The following CRISP2 variants were observed in gnomAD, a reference collection of about 807,000 sequenced individuals.
CRISP2 encodes cysteine-rich secretory protein 2.
In CRISP2, 29 loss-of-function variants were observed where a neutral mutation model predicts 31.7. The ratio of observed to expected loss-of-function variants is 0.92; its 90% CI spans 0.68 to 1.25. CRISP2 has a LOEUF of 1.25. Ranked by LOEUF, CRISP2 falls within the 50% of genes most tolerant of loss-of-function variation. The probability of loss-of-function intolerance (pLI) is 0.00; values close to 1 mark genes in which losing one functional copy is unlikely to be tolerated. For missense variants in CRISP2, 318 were observed against 286.5 expected, an observed-to-expected ratio of 1.11 and a Z score of -0.79; for synonymous variants, 111 against 101.4, an observed-to-expected ratio of 1.09 and a Z score of -0.57.
the CRISP2 span, among the ~76,000 whole-genome samples, chr6:49,686,789 T>A: frequency 6.6e-6 from 1 of 152,184 alleles, no homozygotes; most frequent in Non-Finnish European, 1.5e-5. Context: ...AATAGCAAAG[T>A]CTTGGAACCA....
chr6:49,705,181 C>A (rs78846945), intron 4 of CRISP2, among the ~76,000 whole-genome samples: 4,146 of 152,126 alleles, frequency 0.027, 198 homozygotes, highest in African/African-American at 0.095. Flanking sequence ...TGGGGGCTTA[C>A]TGCAGCCACT....
downstream of CRISP2, among the ~76,000 whole-genome samples, chr6:49,689,608 TAAC>T (rs1474360010): frequency 6.6e-6 from 1 of 152,086 alleles, no homozygotes; most frequent in African/African-American, 2.4e-5. Flanking sequence ...TTAAAAATAA[TAAC>T]AATAACGCTT....
chr6:49,679,894 C>G, the CRISP2 span, among the ~76,000 whole-genome samples: 1 of 151,982 alleles, frequency 6.6e-6, no homozygotes, highest in South Asian at 2.1e-4. Flanking sequence ...TTAGTAGAGA[C>G]AGGTTTTCAC....
At chr6:49,701,818 T>C (rs1429036634) in intron 4 of CRISP2, among the ~76,000 whole-genome samples, 7 of 100,540 alleles carry the variant, frequency 7.0e-5, no homozygotes, top group Non-Finnish European at 1.1e-4. Flanking sequence ...TGTATACATA[T>C]ATAATGTATA....
intron 3 of CRISP2, 64 bp from the exon 4 acceptor site, chr6:49,709,269 A>G: frequency 2.2e-6 from 3 of 1,339,838 alleles, no homozygotes; most frequent in Non-Finnish European, 3.2e-6. Context: ...TAAGAGGGGG[A>G]ATACCAATAT....
chr6:49,678,485 A>G, the CRISP2 span, among the ~76,000 whole-genome samples: 1 of 152,084 alleles, frequency 6.6e-6, no homozygotes, highest in East Asian at 1.9e-4. Context: ...AATCTGTACA[A>G]TGGAGACAAA....
chr6:49,684,636 T>C, the CRISP2 span, among the ~76,000 whole-genome samples: 1 of 152,192 alleles, frequency 6.6e-6, no homozygotes, highest in Non-Finnish European at 1.5e-5. Flanking sequence ...ATACTTAACT[T>C]AAAAAAGAAA....
In CRISP2 at chr6:49,699,703, A is replaced by T. The variant is rs1419721764; in HGVS notation, c.271+101T>A. 8.8e-6 allele frequency: 7 copies of T among 799,958 alleles called. No homozygotes were observed. The Admixed American group carries it at 9.5e-5, about 11-fold the overall frequency. The allele number at this position is 799,958 out of a possible 1,614,324, so 49.6% of individuals were successfully genotyped here. On this transcript the variant is annotated intron_variant, in intron 6 of 9. Transcript: ENST00000339139. ...ACTTCAAAAAGACAGCAGTATAAGT[A>T]ACATTTATTTTCAAAGTCTTCTTAT... is the stretch of plus-strand genomic sequence containing the variant.
At chr6:49,701,880 A>G (rs1205700942) in intron 4 of CRISP2, among the ~76,000 whole-genome samples, 18 of 100,340 alleles carry the variant, frequency 1.8e-4, no homozygotes, top group African/African-American at 7.2e-4. Flanking sequence ...ATTATGTATT[A>G]TATATTATAT....
chr6:49,683,842 A>G, the CRISP2 span, among the ~76,000 whole-genome samples: 2 of 150,518 alleles, frequency 1.3e-5, no homozygotes, highest in African/African-American at 4.9e-5. Context: ...TCATGAATAC[A>G]GAACAAGTAA....
At position 49,698,508 on chromosome 6, in the gene CRISP2, C is replaced by G; in HGVS notation, c.272-1G>C. The G allele has an allele frequency of 6.2e-7, 1 of 1,602,782 alleles. No homozygotes were observed. The highest frequency in any genetic ancestry group is 1.3e-5 in the African/African-American group (1 of 74,236). On this transcript the variant is annotated splice_acceptor_variant, in intron 6 of 9. Coordinates refer to ENST00000339139, the MANE Select transcript of CRISP2 (RefSeq NM_003296.4). LOFTEE classifies it high-confidence loss of function. ...TAGAGATTCTCACCACATCTTGTACCTAAGGGGCAGATCATTCATGAGCAA... is the reference window on the plus strand; with the variant it reads ...TAGAGATTCTCACCACATCTTGTACGTAAGGGGCAGATCATTCATGAGCAA...
chr6:49,682,679 T>C, the CRISP2 span, among the ~76,000 whole-genome samples: 1 of 149,746 alleles, frequency 6.7e-6, no homozygotes, highest in East Asian at 2.0e-4. Context: ...TCTCTCTCTT[T>C]CTGTCTCTTT....
chr6:49,704,540 C>T lies in CRISP2; in HGVS notation c.67-3756G>A, dbSNP rs116423345. On this transcript the variant is annotated intron_variant, in intron 4 of 9. Coordinates refer to ENST00000339139, the MANE Select transcript of CRISP2 (RefSeq NM_003296.4). ...CTGTTCAGGTTCTTTTGCCTTGAAC[C>T]CTTGATGTGGTACTCTCCCCCTTCT... Among the ~76,000 whole-genome samples the T allele has an allele frequency of 6.0e-3, 914 of 152,146 alleles. 12 individuals carry two copies. The highest frequency in any genetic ancestry group is 0.021 in the African/African-American group (870 of 41,506).
Position 49,698,351 on chromosome 6 carries a change from A to T in CRISP2, c.417+11T>A. ...ATCTGTGACATAGGTATTTTCATGC[A>T]TTCTTCTTACCTGAGTATAATGTCC... On this transcript the variant is annotated intron_variant, in intron 7 of 9. Coordinates refer to ENST00000339139, the MANE Select transcript of CRISP2 (RefSeq NM_003296.4). 6.2e-7 allele frequency: 1 copy of T among 1,612,026 alleles called. No individual in the cohort carries two copies. The highest frequency in any genetic ancestry group is 8.5e-7 in the Non-Finnish European group (1 of 1,179,124).
At chr6:49,684,971 A>T in the CRISP2 span, among the ~76,000 whole-genome samples, 2 of 151,826 alleles carry the variant, frequency 1.3e-5, no homozygotes, top group Admixed American at 6.6e-5. Context: ...GTTACTCTCT[A>T]CTCCAGCCTC....
the CRISP2 span, among the ~76,000 whole-genome samples, chr6:49,679,699 G>T: frequency 2.4e-5 from 3 of 123,314 alleles, no homozygotes; most frequent in Non-Finnish European, 1.7e-5. Flanking sequence ...GTTTTTTTTT[G>T]ACATTTATTT....
chr6:49,677,191 TA>T, the CRISP2 span, among the ~76,000 whole-genome samples: 1 of 152,172 alleles, frequency 6.6e-6, no homozygotes, highest in African/African-American at 2.4e-5. Flanking sequence ...ATCAATTTTA[TA>T]AAGTTATCTT....
chr6:49,699,797 T>C lies in CRISP2; in HGVS notation c.271+7A>G. On this transcript the variant is annotated splice_region_variant and intron_variant, in intron 6 of 9. Transcript: ENST00000339139. ...TTTATTCAACAAATATTTACTAATT[T>C]ACATACTGGTTTTGCGGTCCTCTGG... is the stretch of plus-strand genomic sequence containing the variant. The C allele has an allele frequency of 6.3e-7, 1 of 1,587,022 alleles. No homozygotes were observed. Among genetic ancestry groups the C allele is most frequent in the Non-Finnish European group, 8.6e-7 (1 of 1,156,590 alleles).
At chr6:49,686,702 G>C in the CRISP2 span, among the ~76,000 whole-genome samples, 1 of 151,992 alleles carries the variant, frequency 6.6e-6, no homozygotes, top group Non-Finnish European at 1.5e-5. Context: ...CCCATTACTG[G>C]GTATATACCC....
Sources: gnomAD v4.1 joint callset for allele counts (sites outside exome capture counted in the v4.1 genomes callset) on GRCh38, gnomAD v4.1.1 for gene constraint, MANE v1.5 for transcripts, NCBI Gene and HGNC (gene_info 2026-07-23, HGNC 2026-07-21) for gene names.